TMEM50A: variants seen among roughly 807,000 people sequenced by gnomAD.
TMEM50A encodes the protein transmembrane protein 50A.
TMEM50A carries 8 observed loss-of-function variants against 23.9 expected under a neutral mutation model. That is an observed-to-expected ratio of 0.33 (90% confidence interval 0.20 to 0.60). TMEM50A has a LOEUF of 0.60. Ranked by LOEUF, TMEM50A falls within the 20% of genes least tolerant of loss-of-function variation. The probability of loss-of-function intolerance (pLI) is 0.81; values close to 1 mark genes in which losing one functional copy is unlikely to be tolerated. For missense variants in TMEM50A, 178 were observed against 192.7 expected (o/e 0.92, Z 0.45); for synonymous variants, 55 against 60.4 (o/e 0.91, Z 0.41).
chr1:25,346,723 A>G (rs1206753452), intron 3 of TMEM50A, among the ~76,000 whole-genome samples: 7 of 152,082 alleles, frequency 4.6e-5, no homozygotes, highest in Admixed American at 3.9e-4. Context: ...AAAATGTAAT[A>G]TAAAATGCAT....
intron 4 of TMEM50A, 84 bp downstream of exon 4, chr1:25,351,777 T>A: frequency 8.4e-7 from 1 of 1,192,720 alleles, no homozygotes; most frequent in Non-Finnish European, 1.2e-6. Flanking sequence ...CTTTTCTATT[T>A]GTTTTAATAT....
Position 25,340,532 on chromosome 1 carries a change from T to C in TMEM50A, c.46T>C (p.Trp16Arg). The change falls in exon 2 of 7, where the codon TGG becomes CGG. Residue 16 changes from tryptophan (W) to arginine (R), a missense_variant. Physicochemically the swap from Trp to Arg is moderately radical, Grantham distance 101. Coordinates refer to ENST00000374358, the MANE Select transcript of TMEM50A (RefSeq NM_014313.4). The stretch of plus-strand genomic sequence containing the variant: ...CTTGAGATGCTCAGAATGCATTGAC[T>C]GGGGGGAAAAGCGCAATACTATTGC... ...EGLRCSECID[W>R]GEKRNTIASI... is the part of the protein sequence containing the mutation. The C allele has an allele frequency of 1.2e-6, 2 of 1,613,874 alleles. No individual in the cohort carries two copies. Among genetic ancestry groups the C allele is most frequent in the Non-Finnish European group, 1.7e-6 (2 of 1,179,978 alleles).
In TMEM50A at chr1:25,361,046, A is replaced by G. The variant is rs575449229; in HGVS notation, c.*341A>G. The G allele has an allele frequency of 5.6e-5, 12 of 212,822 alleles. No individual in the cohort carries two copies. The highest frequency in any genetic ancestry group is 2.1e-4 in the African/African-American group (9 of 43,442). 13.2% of individuals were successfully genotyped at this position (212,822 alleles called of 1,614,324 possible). A position where few individuals can be genotyped will look rare whatever the true frequency, so the allele number is the denominator to read the frequency against. On this transcript the variant is annotated 3_prime_UTR_variant, in exon 7 of 7. Coordinates refer to ENST00000374358, the MANE Select transcript of TMEM50A (RefSeq NM_014313.4). The stretch of plus-strand genomic sequence containing the variant: ...GTCATATCTGAGGTCCAAAACCACA[A>G]TGAAAGTGCTCTGAAGATTTAATGT...
chr1:25,339,117 G>C (rs924271622), intron 1 of TMEM50A, among the ~76,000 whole-genome samples: 3 of 152,144 alleles, frequency 2.0e-5, no homozygotes, highest in Non-Finnish European at 4.4e-5. Flanking sequence ...CTCTATTGTA[G>C]GGTGTCATAT....
At chr1:25,345,898 C>A (rs1199338255) in intron 3 of TMEM50A, among the ~76,000 whole-genome samples, 1 of 151,804 alleles carries the variant, frequency 6.6e-6, no homozygotes, top group African/African-American at 2.4e-5. Flanking sequence ...ATTGATTCTC[C>A]TGCATCAGCC....
intron 5 of TMEM50A, among the ~76,000 whole-genome samples, chr1:25,354,468 C>T (rs554440321): frequency 1.3e-3 from 190 of 151,958 alleles, no homozygotes; most frequent in African/African-American, 4.3e-3. Flanking sequence ...AATATTTAGC[C>T]GACTATGGTG....
At chr1:25,357,778 C>T (rs1267465975) in intron 6 of TMEM50A, among the ~76,000 whole-genome samples, 2 of 151,860 alleles carry the variant, frequency 1.3e-5, no homozygotes, top group African/African-American at 4.8e-5. Context: ...GCTGGGACTA[C>T]AGGCACACGC....
chr1:25,348,723 G>T (rs910001079), intron 3 of TMEM50A, among the ~76,000 whole-genome samples: 1 of 150,642 alleles, frequency 6.6e-6, no homozygotes, highest in Non-Finnish European at 1.5e-5. Context: ...AAGCAAAAAC[G>T]AAGTTGCCTA....
At chr1:25,344,311 AT>A (rs1645191606) in intron 3 of TMEM50A, among the ~76,000 whole-genome samples, 1 of 152,228 alleles carries the variant, frequency 6.6e-6, no homozygotes, top group South Asian at 2.1e-4. Flanking sequence ...GAGGAATGAA[AT>A]GACCTTATAT....
At chr1:25,351,528 C>G in intron 3 of TMEM50A, 98 bp from the exon 4 acceptor site, 1 of 935,220 alleles carries the variant, frequency 1.1e-6, no homozygotes, top group Non-Finnish European at 1.5e-6. Flanking sequence ...AAAAAAAAGA[C>G]TTTCAGGCCT....
chr1:25,362,353 T>C lies in TMEM50A; in HGVS notation c.*1648T>C. 5 of 1,440,526 alleles carry C rather than the reference T, an allele frequency of 3.5e-6. No homozygotes were observed. Among genetic ancestry groups the C allele is most frequent in the Non-Finnish European group, 4.7e-6 (5 of 1,055,428 alleles). 89.2% of individuals were successfully genotyped at this position (1,440,526 alleles called of 1,614,324 possible). A position where few individuals can be genotyped will look rare whatever the true frequency, so the allele number is the denominator to read the frequency against. ...TATTTTAAACTTATTAAATTGACTC[T>C]TAAACTAAGTTTTTAGTCTTTAATT... On this transcript the variant is annotated 3_prime_UTR_variant, in exon 7 of 7. Transcript: ENST00000374358.
chr1:25,360,625 A>T, intron 6 of TMEM50A, 35 bp from the exon 7 acceptor site: 1 of 1,611,596 alleles, frequency 6.2e-7, no homozygotes, highest in Non-Finnish European at 8.5e-7. Context: ...TCTCAAATTC[A>T]GGGAGTCATG....
intron 6 of TMEM50A, among the ~76,000 whole-genome samples, chr1:25,358,034 G>C (rs1222864718): frequency 1.3e-5 from 2 of 148,534 alleles, no homozygotes; most frequent in Non-Finnish European, 3.0e-5. Context: ...TGCAAACTCT[G>C]CCTCCCAGGT....
At chr1:25,351,328 C>G (rs747677418) in intron 3 of TMEM50A, among the ~76,000 whole-genome samples, 30 of 152,008 alleles carry the variant, frequency 2.0e-4, no homozygotes, top group Non-Finnish European at 3.2e-4. Flanking sequence ...AGCAACATAG[C>G]AAGACTTTGT....
chr1:25,356,947 C>A, intron 6 of TMEM50A, 94 bp downstream of exon 6: 2 of 786,708 alleles, frequency 2.5e-6, no homozygotes, highest in Non-Finnish European at 2.0e-6. Flanking sequence ...AATTACTCAT[C>A]CAATGCCCCT....
intron 2 of TMEM50A, among the ~76,000 whole-genome samples, chr1:25,341,041 T>G (rs1226909768): frequency 6.6e-6 from 1 of 152,004 alleles, no homozygotes; most frequent in African/African-American, 2.4e-5. Context: ...CCCTTAAAAT[T>G]TTTTTTTAAA....
intron 1 of TMEM50A, among the ~76,000 whole-genome samples, chr1:25,340,121 G>A (rs931523621): frequency 1.3e-5 from 2 of 152,018 alleles, no homozygotes; most frequent in Non-Finnish European, 2.9e-5. Context: ...ATTTTTAGTA[G>A]AGATGGGGTT....
chr1:25,339,390 G>C (rs1243374235), intron 1 of TMEM50A, among the ~76,000 whole-genome samples: 1 of 152,166 alleles, frequency 6.6e-6, no homozygotes, highest in Non-Finnish European at 1.5e-5. Context: ...ACGATTCTGT[G>C]CTTGCTTTTG....
At chr1:25,339,705 T>C (rs771020358) in intron 1 of TMEM50A, among the ~76,000 whole-genome samples, 2 of 152,186 alleles carry the variant, frequency 1.3e-5, no homozygotes, top group Admixed American at 6.5e-5. Flanking sequence ...ACTGTAAATA[T>C]CAAATTCATT....
Sources: gnomAD v4.1 joint callset for allele counts (sites outside exome capture counted in the v4.1 genomes callset) on GRCh38, gnomAD v4.1.1 for gene constraint, MANE v1.5 for transcripts, NCBI Gene and HGNC (gene_info 2026-07-23, HGNC 2026-07-21) for gene names.